CPEB2: variants seen among roughly 807,000 people sequenced by gnomAD.
CPEB2 encodes cytoplasmic polyadenylation element-binding protein 2.
CPEB2 carries 56 observed loss-of-function variants against 93.6 expected under a neutral mutation model. The observed-to-expected ratio is 0.60, with a 90% CI of 0.48 to 0.75. CPEB2 has a LOEUF of 0.75. Ranked by LOEUF, CPEB2 falls within the 30% of genes least tolerant of loss-of-function variation. CPEB2 has a pLI of 0.00. For synonymous variants in CPEB2, 764 were observed against 586.3 expected, an observed-to-expected ratio of 1.30 and a Z score of -4.38; for missense variants, 1,579 against 1,395.1, an observed-to-expected ratio of 1.13 and a Z score of -2.10.
In CPEB2 at chr4:15,068,274, A is replaced by G. The variant is rs1729849422; in HGVS notation, c.*1894A>G. On this transcript the variant is annotated 3_prime_UTR_variant, in exon 12 of 12. Transcript: ENST00000538197. ...GGTTCATGTCTAACTCTGCTGTTTT[A>G]TTGTGGTTGTGGTTCAAGTTTTTAA... 6.6e-6 allele frequency: 1 copy of G among 152,136 alleles called. No homozygotes were observed. The highest frequency in any genetic ancestry group is 1.5e-5 in the Non-Finnish European group (1 of 67,830). The allele number at this position is 152,136 out of a possible 1,614,324, so 9.4% of individuals were successfully genotyped here.
Position 15,067,209 on chromosome 4 carries a change from T to C in CPEB2, c.*829T>C, listed in dbSNP as rs1729764631. The C allele has an allele frequency of 6.6e-6, 1 of 152,512 alleles. No homozygotes were observed. Among genetic ancestry groups the C allele is most frequent in the Admixed American group, 6.6e-5 (1 of 15,246 alleles). The allele number at this position is 152,512 out of a possible 1,614,324, so 9.4% of individuals were successfully genotyped here. On this transcript the variant is annotated 3_prime_UTR_variant, in exon 12 of 12. Coordinates refer to ENST00000538197, the MANE Select transcript of CPEB2 (RefSeq NM_001177382.2). ...AAATGTTCAAAAAAGCTCTCTTGAA[T>C]CTAGGTAGCATGAACAAATTATAAA...
chr4:15,037,352 T>C (rs564909606), intron 5 of CPEB2, among the ~76,000 whole-genome samples: 13 of 152,242 alleles, frequency 8.5e-5, no homozygotes, highest in African/African-American at 3.1e-4. Context: ...GGTTCTCTCC[T>C]TAGTTTTGGC....
chr4:15,014,559 T>C (rs1306533985), intron 3 of CPEB2, among the ~76,000 whole-genome samples: 1 of 152,056 alleles, frequency 6.6e-6, no homozygotes, highest in Non-Finnish European at 1.5e-5. Flanking sequence ...TGTCTCAGTT[T>C]AGTCAATTAA....
intron 4 of CPEB2, among the ~76,000 whole-genome samples, chr4:15,028,376 AT>A (rs1348685314): frequency 1.7e-4 from 26 of 152,004 alleles, no homozygotes; most frequent in South Asian, 4.2e-4. Flanking sequence ...TATGCCACAC[AT>A]ACAAACACAT....
chr4:15,003,149 G>A lies in CPEB2; in HGVS notation c.476G>A (p.Arg159His), dbSNP rs764350501. ...TCCGCCTCCTCCTGCTGCTGCTGCC[G>A]CACCTCCTCCCCGCAGGACTTCAGT... Reference protein sequence around the residue: ...SSSASSCCCCRTSSPQDFSKR... With the variant: ...SSSASSCCCCHTSSPQDFSKR... Residue 159 changes from arginine to histidine, a missense_variant, in exon 1 of 12, where the codon CGC becomes CAC. This residue lies in a region of CPEB2 where 1,411 missense variants were observed against 1,056.0 expected (regional missense o/e 1.34). Coordinates refer to ENST00000538197, the MANE Select transcript of CPEB2 (RefSeq NM_001177382.2). 6.5e-7 allele frequency: 1 copy of A among 1,532,982 alleles called. No homozygotes were observed. Among genetic ancestry groups the A allele is most frequent in the African/African-American group, 1.4e-5 (1 of 72,504 alleles). 95.0% of individuals were successfully genotyped at this position (1,532,982 alleles called of 1,614,324 possible). A position where few individuals can be genotyped will look rare whatever the true frequency, so the allele number is the denominator to read the frequency against.
chr4:15,028,013 T>C (rs1417758639), intron 4 of CPEB2, among the ~76,000 whole-genome samples: 3 of 152,176 alleles, frequency 2.0e-5, no homozygotes, highest in Non-Finnish European at 4.4e-5. Flanking sequence ...TTTGATCTGT[T>C]GCTAATTCTA....
At chr4:15,038,585 CTTTTTTT>C (rs369548599) in intron 5 of CPEB2, among the ~76,000 whole-genome samples, 1 of 137,232 alleles carries the variant, frequency 7.3e-6, no homozygotes, top group Non-Finnish European at 1.6e-5. Flanking sequence ...GTAGTCTATT[CTTTTTTT>C]TTTTTTTTTT....
chr4:15,004,828 G>C (rs369596054), intron 1 of CPEB2: 1 of 152,600 alleles, frequency 6.6e-6, no homozygotes, highest in Non-Finnish European at 1.5e-5. Context: ...GCGGCCGTGG[G>C]AAGTGAACTT....
chr4:15,011,020 T>C (rs886658229), intron 3 of CPEB2, among the ~76,000 whole-genome samples: 2 of 152,054 alleles, frequency 1.3e-5, no homozygotes, highest in African/African-American at 4.8e-5. Context: ...ATTTAAAACT[T>C]TCTAAAAGCA....
In CPEB2 at chr4:15,066,385, A is replaced by G. The variant is rs1222751292; in HGVS notation, c.*5A>G. On this transcript the variant is annotated 3_prime_UTR_variant, in exon 12 of 12. Transcript: ENST00000538197. The stretch of plus-strand genomic sequence containing the variant: ...ATCCACTTCCGCTGGAACTAAGAAT[A>G]GCAAACTGGCCTCTGTTTAACAAGG... 1 of 1,581,854 alleles carries G rather than the reference A, an allele frequency of 6.3e-7. No homozygotes were observed. Among genetic ancestry groups the G allele is most frequent in the Non-Finnish European group, 8.6e-7 (1 of 1,160,486 alleles).
rs1181200540 is a variant in CPEB2 at position 15,004,466 on chromosome 4, G to A, written c.1662+131G>A. ...GCCGCGACGGGGGCCACTCGCCCAA[G>A]TGAGAGTGGAACTGAGGGCGGACAA... On this transcript the variant is annotated intron_variant, in intron 1 of 11. Transcript: ENST00000538197. The A allele has an allele frequency of 6.4e-6, 4 of 628,052 alleles. No individual in the cohort carries two copies. The East Asian group carries it at 1.4e-4, about 22-fold the overall frequency. The allele number at this position is 628,052 out of a possible 1,614,324, so 38.9% of individuals were successfully genotyped here.
intron 4 of CPEB2, among the ~76,000 whole-genome samples, chr4:15,018,330 T>A (rs1428200314): frequency 2.0e-5 from 3 of 151,878 alleles, no homozygotes; most frequent in Non-Finnish European, 2.9e-5. Context: ...GGATTTTTCT[T>A]GTAAAAAGAA....
At chr4:15,041,401 A>G (rs552538970) in intron 6 of CPEB2, among the ~76,000 whole-genome samples, 73 of 147,180 alleles carry the variant, frequency 5.0e-4, no homozygotes, top group African/African-American at 1.8e-3. Flanking sequence ...GTGCCCTTTG[A>G]TCACTTTTTT....
At chr4:15,046,281 A>C (rs1319346721) in intron 6 of CPEB2, among the ~76,000 whole-genome samples, 1 of 152,008 alleles carries the variant, frequency 6.6e-6, no homozygotes, top group Non-Finnish European at 1.5e-5. Flanking sequence ...GCTGGAGTGC[A>C]ATGGCCCGAT....
rs530243428 is a variant in CPEB2, at chr4:15,009,290, A to G, written c.2034+863A>G. On this transcript the variant is annotated intron_variant, in intron 3 of 11. Coordinates refer to ENST00000538197, the MANE Select transcript of CPEB2 (RefSeq NM_001177382.2). ...TGATTTTACAAGTAAGGACATAAAC[A>G]GATTAATAATACGTTTGTAAGTAAC... Among the ~76,000 whole-genome samples the G allele has an allele frequency of 6.6e-5, 10 of 152,354 alleles. No homozygotes were observed. The East Asian group carries it at 1.9e-3, about 29-fold the overall frequency.
intron 11 of CPEB2, among the ~76,000 whole-genome samples, chr4:15,065,557 G>A (rs1729622084): frequency 6.6e-6 from 1 of 152,106 alleles, no homozygotes; most frequent in African/African-American, 2.4e-5. Context: ...GACAGATGTG[G>A]AAACTGAGGT....
chr4:15,028,664 A>C (rs1000871003), intron 4 of CPEB2, among the ~76,000 whole-genome samples: 9 of 152,044 alleles, frequency 5.9e-5, no homozygotes, highest in African/African-American at 9.7e-5. Flanking sequence ...ATAGTCTGTC[A>C]TGCTATCTCT....
chr4:15,061,894 C>A (rs1729219500), intron 10 of CPEB2, among the ~76,000 whole-genome samples, 185 bp from the exon 11 acceptor site: 2 of 149,472 alleles, frequency 1.3e-5, no homozygotes, highest in African/African-American at 4.9e-5. Context: ...GGTGGTGAGT[C>A]ACTTTATAGT....
intron 8 of CPEB2, among the ~76,000 whole-genome samples, chr4:15,054,525 A>G (rs1462076095): frequency 6.6e-6 from 1 of 152,246 alleles, no homozygotes; most frequent in Non-Finnish European, 1.5e-5. Context: ...AATGTTCTAG[A>G]TAACAGCAGA....
Sources: gnomAD v4.1 joint callset for allele counts (sites outside exome capture counted in the v4.1 genomes callset) on GRCh38, gnomAD v4.1.1 for gene constraint, gnomAD v4.1.1 regional missense constraint, MANE v1.5 for transcripts, NCBI Gene and HGNC (gene_info 2026-07-23, HGNC 2026-07-21) for gene names.